RFX3: variants seen among roughly 807,000 people sequenced by gnomAD.
The protein encoded by RFX3 is transcription factor RFX3.
A neutral mutation model predicts 98.6 loss-of-function variants in RFX3; 14 were observed. That is an observed-to-expected ratio of 0.14 (90% CI 0.09 to 0.22). The LOEUF is 0.22. Among genes scored for constraint, RFX3 ranks in the 10% least tolerant of loss-of-function variants. The pLI is 1.00. For synonymous variants in RFX3, 383 were observed against 328.4 expected, an observed-to-expected ratio of 1.17 and a Z score of -1.80; for missense variants, 639 against 926.9, an observed-to-expected ratio of 0.69 and a Z score of 4.03.
chr9:3,321,738 G>C (rs1246991030), intron 4 of RFX3, among the ~76,000 whole-genome samples: 1 of 151,874 alleles, frequency 6.6e-6, no homozygotes, highest in Non-Finnish European at 1.5e-5. Context: ...ATAGCTTCTG[G>C]ATTTTATATT....
At chr9:3,468,567 T>C (rs1404957910) in intron 1 of RFX3, among the ~76,000 whole-genome samples, 2 of 152,158 alleles carry the variant, frequency 1.3e-5, no homozygotes, top group South Asian at 2.1e-4. Flanking sequence ...GTCATTCCTA[T>C]TATATGTAAT....
chr9:3,258,332 A>G (rs1371966813), intron 13 of RFX3, among the ~76,000 whole-genome samples: 1 of 152,086 alleles, frequency 6.6e-6, no homozygotes, highest in East Asian at 1.9e-4. Flanking sequence ...TTCTTTTTCT[A>G]TATGCTCTCA....
chr9:3,304,078 T>C (rs1014709272), intron 4 of RFX3, among the ~76,000 whole-genome samples: 1 of 152,006 alleles, frequency 6.6e-6, no homozygotes, highest in Non-Finnish European at 1.5e-5. Flanking sequence ...TCAGCATGCA[T>C]GTTGGAACCT....
intron 2 of RFX3, among the ~76,000 whole-genome samples, chr9:3,349,092 AC>A (rs1351307536): frequency 2.6e-5 from 4 of 152,152 alleles, no homozygotes; most frequent in Non-Finnish European, 5.9e-5. Context: ...GGATAAAAAT[AC>A]ATATCATAAA....
chr9:3,297,733 T>C (rs1828164148), intron 5 of RFX3, among the ~76,000 whole-genome samples: 1 of 151,928 alleles, frequency 6.6e-6, no homozygotes, highest in South Asian at 2.1e-4. Flanking sequence ...TTTTGGTAGC[T>C]AAAACCAGCA....
At chr9:3,411,987 T>C (rs1040443332) in intron 1 of RFX3, among the ~76,000 whole-genome samples, 2 of 152,204 alleles carry the variant, frequency 1.3e-5, no homozygotes, top group South Asian at 2.1e-4. Context: ...ACATTATCCA[T>C]AGGATCTTAT....
At chr9:3,505,241 TATATATATATGA>T (rs1816857380) in intron 1 of RFX3, among the ~76,000 whole-genome samples, 1 of 97,516 alleles carries the variant, frequency 1.0e-5, no homozygotes, top group Admixed American at 1.6e-4. Context: ...AATATATATT[TATATATATATGA>T]ATATATATTT....
chr9:3,515,120 T>G (rs551541566), intron 1 of RFX3, among the ~76,000 whole-genome samples: 1 of 152,142 alleles, frequency 6.6e-6, no homozygotes, highest in Non-Finnish European at 1.5e-5. Flanking sequence ...CACAAAACCA[T>G]TTATCCAAAG....
chr9:3,421,233 G>A (rs75378431), intron 1 of RFX3, among the ~76,000 whole-genome samples: 4,016 of 152,162 alleles, frequency 0.026, 199 homozygotes, highest in African/African-American at 0.092. Flanking sequence ...TTTACAGTAC[G>A]TTCTGAACTC....
intron 5 of RFX3, among the ~76,000 whole-genome samples, chr9:3,296,588 T>C (rs1364313672): frequency 6.6e-6 from 1 of 152,110 alleles, no homozygotes; most frequent in African/African-American, 2.4e-5. Context: ...ACTAGTTAGT[T>C]TGAAAAATGG....
intron 1 of RFX3, among the ~76,000 whole-genome samples, chr9:3,476,375 C>G (rs1456690116): frequency 6.6e-6 from 1 of 151,862 alleles, no homozygotes; most frequent in East Asian, 1.9e-4. Flanking sequence ...TATTAAGTGC[C>G]AAGAGAGGAT....
chr9:3,503,227 T>A (rs1050824206), intron 1 of RFX3, among the ~76,000 whole-genome samples: 9 of 152,192 alleles, frequency 5.9e-5, no homozygotes, highest in East Asian at 3.8e-4. Flanking sequence ...CTGGGCATAT[T>A]TGCAAGTATA....
At chr9:3,315,144 T>C (rs201156863) in intron 4 of RFX3, among the ~76,000 whole-genome samples, 27,329 of 151,930 alleles carry the variant, frequency 0.18, 2,862 homozygotes, top group African/African-American at 0.3. Flanking sequence ...CCTCAGCAAA[T>C]GTAAAAGAAC....
Position 3,522,991 on chromosome 9 carries a change from A to G in RFX3, c.-9+2756T>C, listed in dbSNP as rs561334949. On this transcript the variant is annotated intron_variant, in intron 1 of 16. Coordinates refer to ENST00000617270, the MANE Select transcript of RFX3 (RefSeq NM_001282116.2). ...TGAGTACTGGAGGAATAATACAAAA[A>G]AAACTAACCATCACTACAACCTTTA... Among the ~76,000 whole-genome samples the G allele has an allele frequency of 3.3e-5, 5 of 152,320 alleles. No individual in the cohort carries two copies. In the South Asian group the frequency reaches 1.0e-3, roughly 32 times the overall value.
At chr9:3,397,926 C>G (rs1841063308) in intron 1 of RFX3, among the ~76,000 whole-genome samples, 1 of 152,108 alleles carries the variant, frequency 6.6e-6, no homozygotes, top group Non-Finnish European at 1.5e-5. Context: ...GCACAGAGAG[C>G]AGAAGTGGCT....
At position 3,461,024 on chromosome 9, in the gene RFX3, A is replaced by G. The variant is rs190099276; in HGVS notation, c.-9+64723T>C. On this transcript the variant is annotated intron_variant, in intron 1 of 16. Coordinates refer to ENST00000617270, the MANE Select transcript of RFX3 (RefSeq NM_001282116.2). ...TTATAAAATCTGGTAGTTTTGGTAC[A>G]TTTTAACATTCATCGCTGAGATTTA... Among the ~76,000 whole-genome samples the G allele has an allele frequency of 2.6e-3, 390 of 151,564 alleles. 1 individual carries two copies. The highest frequency in any genetic ancestry group is 9.1e-3 in the African/African-American group (377 of 41,470).
At chr9:3,307,931 C>A (rs1563899426) in intron 4 of RFX3, among the ~76,000 whole-genome samples, 1 of 151,876 alleles carries the variant, frequency 6.6e-6, no homozygotes, top group Admixed American at 6.6e-5. Flanking sequence ...CTTCTTCTGC[C>A]TTTTTTTACT....
chr9:3,426,931 TCCATAAAAC>T (rs1355218554), intron 1 of RFX3, among the ~76,000 whole-genome samples: 2 of 152,022 alleles, frequency 1.3e-5, no homozygotes, highest in Admixed American at 1.3e-4. Flanking sequence ...AAAATTGTCT[TCCATAAAAC>T]CGGTCCCTGG....
At chr9:3,271,426 CTCT>C (rs1281780155) in intron 9 of RFX3, among the ~76,000 whole-genome samples, 1 of 151,786 alleles carries the variant, frequency 6.6e-6, no homozygotes, top group Non-Finnish European at 1.5e-5. Flanking sequence ...TTTCATTCCT[CTCT>C]TCTTTCCTTC....
Sources: gnomAD v4.1 joint callset for allele counts (sites outside exome capture counted in the v4.1 genomes callset) on GRCh38, gnomAD v4.1.1 for gene constraint, MANE v1.5 for transcripts, NCBI Gene and HGNC (gene_info 2026-07-23, HGNC 2026-07-21) for gene names.